Variants in NCOR2 observed in about 807,000 individuals in gnomAD.
NCOR2 encodes nuclear receptor corepressor 2, also known as CTG repeat protein 26.
Under a neutral mutation model 262.9 loss-of-function variants are expected in NCOR2, and 81 were observed. The ratio of observed to expected loss-of-function variants is 0.31; its 90% CI spans 0.26 to 0.37. NCOR2 has a LOEUF of 0.37. Among genes scored for constraint, NCOR2 ranks in the 10% least tolerant of loss-of-function variants. The pLI is 1.00. For synonymous variants in NCOR2, 1,659 were observed against 1,559.3 expected (o/e 1.06, Z -1.51); for missense variants, 3,385 against 3,621.4 (o/e 0.93, Z 1.68).
intron 7 of NCOR2, among the ~76,000 whole-genome samples, chr12:124,441,454 G>C (rs1200007591): frequency 6.6e-6 from 1 of 152,198 alleles, no homozygotes; most frequent in East Asian, 1.9e-4. Flanking sequence ...GAGGAGAAGG[G>C]ACAGATCTTT....
chr12:124,342,937 G>A (rs550245153), intron 33 of NCOR2, 68 bp downstream of exon 35: 29 of 1,544,050 alleles, frequency 1.9e-5, no homozygotes, highest in South Asian at 1.1e-4. Flanking sequence ...GTCCCTGAGC[G>A]AACACTGATG....
At chr12:124,495,282 A>G (rs775432219), upstream of NCOR2, 1 of 1,598,658 alleles carries the variant, frequency 6.3e-7, no homozygotes, top group East Asian at 2.2e-5. This position sits in a 1 kb window ranked among gnomAD's most constrained non-coding sequence, Gnocchi z 4.4. Context: ...AGCTGCTCCC[A>G]GGCCCCAATA....
At chr12:124,326,355 G>C in exon 46 of NCOR2, 2 of 1,498,654 alleles carry the variant, frequency 1.3e-6, no homozygotes, top group South Asian at 1.3e-5. Flanking sequence ...AGAGACCTTG[G>C]CCTTCCCGCC....
chr12:124,335,985 G>A lies in NCOR2; in HGVS notation c.6116-353C>T, dbSNP rs189693463. 5.2e-4 allele frequency: 137 copies of A among 263,558 alleles called. 2 individuals carry two copies. The highest frequency in any genetic ancestry group is 2.6e-3 in the African/African-American group (120 of 45,748). The allele number at this position is 263,558 out of a possible 1,614,324, so 16.3% of individuals were successfully genotyped here. A position where few individuals can be genotyped will look rare whatever the true frequency, so the allele number is the denominator to read the frequency against. On this transcript the variant is annotated intron_variant, in intron 38 of 46. Coordinates refer to ENST00000405201, the Ensembl canonical transcript of NCOR2. ...TCTCTGGGGAAGGAGTGTGTGGGGC[G>A]GAGTGAGAAGTGGGGGTGTGGCTGG...
chr12:124,431,027 A>G (rs985362231), intron 8 of NCOR2, among the ~76,000 whole-genome samples: 4 of 152,110 alleles, frequency 2.6e-5, no homozygotes, highest in Non-Finnish European at 4.4e-5. Flanking sequence ...ACAGGCACAC[A>G]CAAATGCAGT....
At chr12:124,499,173 G>A (rs553067060), upstream of NCOR2, among the ~76,000 whole-genome samples, 73 of 152,382 alleles carry the variant, frequency 4.8e-4, no homozygotes, top group South Asian at 1.7e-3. Context: ...AAAGATGGGG[G>A]CAGGAGAGGA....
rs200255340 is a variant in NCOR2, at chr12:124,350,690, G to A, written c.3741C>T (p.Ile1247=). The A allele has an allele frequency of 1.2e-3, 1,917 of 1,613,376 alleles. 1 individual carries two copies. The highest frequency in any genetic ancestry group is 1.5e-3 in the Non-Finnish European group (1,816 of 1,180,014). ...CCAAGCGACTCGGGCTGTCCTCGCC[G>A]ATGATCCTGGTGATGGTGCCCTTGT... Residue 1247 remains isoleucine, a synonymous_variant, in exon 28 of 47, where the codon ATC becomes ATT. Transcript: ENST00000405201.
chr12:124,510,959 C>G (rs967425356), intron 1 of NCOR2, among the ~76,000 whole-genome samples: 2 of 152,236 alleles, frequency 1.3e-5, no homozygotes, highest in Non-Finnish European at 2.9e-5. Flanking sequence ...TCCTCTCCCC[C>G]CACAGCCCCA....
At position 124,454,795 on chromosome 12, in the gene NCOR2, G is replaced by A. The variant is rs906266695; in HGVS notation, c.762+2311C>T. On this transcript the variant is annotated intron_variant, in intron 6 of 46. Transcript: ENST00000405201. This position sits in a 1 kb window ranked among gnomAD's most constrained non-coding sequence, Gnocchi z 5.6. ...TTAACAGAGGATCTAGCAATTCCACGCCTAGGTACACACCCAGGAGAAATG... is the reference window on the plus strand; with the variant it reads ...TTAACAGAGGATCTAGCAATTCCACACCTAGGTACACACCCAGGAGAAATG... 3.9e-5 allele frequency among the ~76,000 whole-genome samples: 6 copies of A among 152,162 alleles called. No individual in the cohort carries two copies. The highest frequency in any genetic ancestry group is 8.8e-5 in the Non-Finnish European group (6 of 68,042).
At chr12:124,339,919 TC>T (rs1311570574) in intron 37 of NCOR2, 86 bp downstream of exon 39, 1 of 273,378 alleles carries the variant, frequency 3.7e-6, no homozygotes, top group African/African-American at 4.6e-5. Context: ...CCCATATACC[TC>T]CCACCAAGCA....
intron 19 of NCOR2, among the ~76,000 whole-genome samples, chr12:124,373,449 G>A (rs7952897): frequency 0.072 from 1,389 of 19,342 alleles, 349 homozygotes; most frequent in Middle Eastern, 0.29. Flanking sequence ...GGCACAGTGG[G>A]CAGTGAGGCC....
At chr12:124,426,893 G>T in intron 10 of NCOR2, 93 bp from the exon 13 acceptor site, 1 of 1,254,470 alleles carries the variant, frequency 8.0e-7, no homozygotes, top group Non-Finnish European at 1.1e-6. Flanking sequence ...GGGACGGATG[G>T]TCTGCGCCAG....
At chr12:124,347,962 T>C (rs2037084053) in intron 29 of NCOR2, 51 bp from the exon 32 acceptor site, 4 of 1,530,974 alleles carry the variant, frequency 2.6e-6, no homozygotes, top group African/African-American at 1.4e-5. Context: ...GAGCCGACAC[T>C]GGGCAGTGAC....
chr12:124,326,075 A>G (rs2034613406), intron 46 of NCOR2, 116 bp downstream of exon 48: 18 of 1,189,390 alleles, frequency 1.5e-5, no homozygotes, highest in Non-Finnish European at 1.9e-5. Context: ...TCCACAGAAC[A>G]GGCCCGAGTC....
chr12:124,370,665 C>G (rs1043331617), intron 20 of NCOR2, among the ~76,000 whole-genome samples: 1 of 152,330 alleles, frequency 6.6e-6, no homozygotes, highest in Admixed American at 6.5e-5. Context: ...ACTTGGGTAG[C>G]CATCTTTGGT....
At chr12:124,337,070 A>G (rs2035954795) in exon 38 of NCOR2, 6 of 1,487,284 alleles carry the variant, frequency 4.0e-6, no homozygotes, top group Non-Finnish European at 5.4e-6. Flanking sequence ...GGGCAGCAAG[A>G]CGGGCTCCAT....
chr12:124,325,377 GCCCCCCCC>G, exon 47 of NCOR2: 4 of 246,750 alleles, frequency 1.6e-5, no homozygotes, highest in Non-Finnish European at 2.6e-5. Flanking sequence ...ACCTGACACC[GCCCCCCCC>G]CCCGCCCTGT....
At chr12:124,560,773 T>C (rs1035632886) in intron 1 of NCOR2, among the ~76,000 whole-genome samples, 1 of 152,192 alleles carries the variant, frequency 6.6e-6, no homozygotes, top group African/African-American at 2.4e-5. Flanking sequence ...AGGGAGACTT[T>C]TACGCAATGT....
rs755376381 is a variant in NCOR2, at chr12:124,374,489, G to T, written c.2168-26C>A. On this transcript the variant is annotated intron_variant, in intron 18 of 46. Transcript: ENST00000405201. ...CTGGAAGGAAGTCAGAGAAGAGTTA[G>T]AAGTGAGGCAGCACCAAGTAGTGGG... is the stretch of plus-strand genomic sequence containing the variant. 4.4e-6 allele frequency: 7 copies of T among 1,608,400 alleles called. No individual in the cohort carries two copies. The Admixed American group carries it at 6.7e-5, about 15-fold the overall frequency.
Sources: allele counts gnomAD v4.1 joint callset (sites outside exome capture counted in the v4.1 genomes callset), GRCh38; gene constraint gnomAD v4.1.1; non-coding constraint Gnocchi (gnomAD v3.1); transcripts MANE v1.5; gene names NCBI Gene and HGNC (gene_info 2026-07-23, HGNC 2026-07-21).